Variants in ADAMTS6 observed in about 807,000 individuals in gnomAD.
The protein encoded by ADAMTS6 is A disintegrin and metalloproteinase with thrombospondin motifs 6.
ADAMTS6 carries 23 observed loss-of-function variants against 144.3 expected under a neutral mutation model. The ratio of observed to expected loss-of-function variants is 0.16; its 90% CI spans 0.11 to 0.23. The LOEUF (loss-of-function observed/expected upper bound fraction) is 0.23, where lower values mean the gene tolerates loss of function less well. Ranked by LOEUF, ADAMTS6 falls within the 10% of genes least tolerant of loss-of-function variation. The probability of loss-of-function intolerance (pLI) is 1.00; values close to 1 mark genes in which losing one functional copy is unlikely to be tolerated. For synonymous variants in ADAMTS6, 444 were observed against 457.5 expected (o/e 0.97, Z 0.38); for missense variants, 999 against 1,379.6 (o/e 0.72, Z 4.37).
At chr5:65,299,171 A>C (rs1718011805) in intron 10 of ADAMTS6, among the ~76,000 whole-genome samples, 1 of 152,188 alleles carries the variant, frequency 6.6e-6, no homozygotes, top group African/African-American at 2.4e-5. Flanking sequence ...TTACCATTTA[A>C]AGAATGTCTG....
chr5:65,362,748 T>C lies in ADAMTS6; in HGVS notation c.1074-28663A>G, dbSNP rs1749941380. Among the ~76,000 whole-genome samples, 4 of 152,220 alleles carry C rather than the reference T, an allele frequency of 2.6e-5. No homozygotes were observed. The South Asian group carries it at 8.3e-4, about 32-fold the overall frequency. On this transcript the variant is annotated intron_variant, in intron 7 of 24. Transcript: ENST00000381055. ...TTTTACTGACTTCAGAAGAGATTTC[T>C]GCCTTCAGTGGTGCGAGAGACAAAT... is the stretch of plus-strand genomic sequence containing the variant.
chr5:65,406,573 A>G (rs899769784), intron 7 of ADAMTS6, among the ~76,000 whole-genome samples: 1 of 152,102 alleles, frequency 6.6e-6, no homozygotes, highest in African/African-American at 2.4e-5. Context: ...GGATTTTTGC[A>G]TTGATGTTCA....
At chr5:65,196,522 CAAAAAAAAAAAAAAAAAAA>C (rs533444182) in intron 21 of ADAMTS6, among the ~76,000 whole-genome samples, 3 of 38,036 alleles carry the variant, frequency 7.9e-5, no homozygotes, top group African/African-American at 2.3e-4. Context: ...GACTCCGTCT[CAAAAAAAAAAAAAAAAAAA>C]AAAAAAAAAA....
At chr5:65,249,863 A>G (rs150402401) in intron 14 of ADAMTS6, among the ~76,000 whole-genome samples, 280 of 152,308 alleles carry the variant, frequency 1.8e-3, no homozygotes, top group African/African-American at 6.5e-3. Flanking sequence ...CCTGAGGGCA[A>G]GATGTGTAGT....
intron 7 of ADAMTS6, among the ~76,000 whole-genome samples, chr5:65,431,062 A>T (rs558464873): frequency 6.6e-6 from 1 of 152,170 alleles, no homozygotes; most frequent in African/African-American, 2.4e-5. Flanking sequence ...GCACTCAGTA[A>T]ATGTTTGTTG....
At chr5:65,399,130 G>A (rs537175516) in intron 7 of ADAMTS6, among the ~76,000 whole-genome samples, 5 of 151,976 alleles carry the variant, frequency 3.3e-5, no homozygotes, top group Non-Finnish European at 4.4e-5. Flanking sequence ...GGTGGTGGGC[G>A]CCTGTAATCC....
chr5:65,242,304 C>CA (rs1759259331), intron 14 of ADAMTS6, 98 bp from the exon 15 acceptor site: 1 of 731,900 alleles, frequency 1.4e-6, no homozygotes, highest in African/African-American at 1.8e-5. Flanking sequence ...TAACTCACTA[C>CA]CTTATTCTGT....
At chr5:65,297,635 C>T (rs1742970504) in intron 10 of ADAMTS6, among the ~76,000 whole-genome samples, 1 of 152,146 alleles carries the variant, frequency 6.6e-6, no homozygotes, top group Admixed American at 6.5e-5. Flanking sequence ...TCACGCATAG[C>T]TGTTAAAGCA....
rs948404979 is a variant in ADAMTS6 at position 65,177,694 on chromosome 5, C to T, written c.2911-4686G>A. The stretch of plus-strand genomic sequence containing the variant: ...GATCATAAAAGTTAAAGACTTAAAA[C>T]AAACTTTGGCAATTAAAACAGGATA... On this transcript the variant is annotated intron_variant, in intron 22 of 24. Coordinates refer to ENST00000381055, the MANE Select transcript of ADAMTS6 (RefSeq NM_197941.4). Among the ~76,000 whole-genome samples, 9 of 152,178 alleles carry T rather than the reference C, an allele frequency of 5.9e-5. No homozygotes were observed. The East Asian group carries it at 1.7e-3, about 29-fold the overall frequency.
chr5:65,276,380 G>A (rs1257523556), intron 11 of ADAMTS6, among the ~76,000 whole-genome samples: 10 of 152,294 alleles, frequency 6.6e-5, no homozygotes, highest in Non-Finnish European at 1.5e-4. Flanking sequence ...TGTAGAACTA[G>A]TCATGGAGAA....
chr5:65,353,888 G>T (rs1458272287), intron 7 of ADAMTS6, among the ~76,000 whole-genome samples: 2 of 151,862 alleles, frequency 1.3e-5, no homozygotes, highest in Non-Finnish European at 3.0e-5. Context: ...GCTTCTCTCT[G>T]GAAGACTATT....
intron 7 of ADAMTS6, among the ~76,000 whole-genome samples, chr5:65,373,418 A>C (rs1751178297): frequency 6.6e-6 from 1 of 151,228 alleles, no homozygotes; most frequent in African/African-American, 2.4e-5. Flanking sequence ...AAAAATGATA[A>C]AGGGGATATC....
At chr5:65,275,367 GAAAGAAAGAA>G in intron 11 of ADAMTS6, among the ~76,000 whole-genome samples, 1 of 92,126 alleles carries the variant, frequency 1.1e-5, no homozygotes, top group Admixed American at 1.1e-4. Flanking sequence ...AAGAAAGAAA[GAAAGAAAGAA>G]AGAAAGAAAG....
intron 14 of ADAMTS6, among the ~76,000 whole-genome samples, chr5:65,255,903 T>G (rs1760613591): frequency 6.6e-6 from 1 of 152,174 alleles, no homozygotes; most frequent in Non-Finnish European, 1.5e-5. Flanking sequence ...AGGGTCTCAC[T>G]GTCACCCAGG....
intron 15 of ADAMTS6, among the ~76,000 whole-genome samples, chr5:65,230,366 AAT>A (rs1370353577): frequency 9.9e-6 from 1 of 101,066 alleles, no homozygotes; most frequent in African/African-American, 4.4e-5. Flanking sequence ...TTATATATGA[AAT>A]ATATATAATA....
At chr5:65,199,234 T>C (rs1018430003) in intron 20 of ADAMTS6, among the ~76,000 whole-genome samples, 1 of 152,180 alleles carries the variant, frequency 6.6e-6, no homozygotes, top group Non-Finnish European at 1.5e-5. Flanking sequence ...TTCTCAACAC[T>C]ACAAAATACA....
At chr5:65,239,632 T>C (rs1459406892) in intron 15 of ADAMTS6, among the ~76,000 whole-genome samples, 1 of 152,134 alleles carries the variant, frequency 6.6e-6, no homozygotes, top group African/African-American at 2.4e-5. Context: ...CCACAGAATG[T>C]GACAAAACAT....
intron 10 of ADAMTS6, 68 bp downstream of exon 10, chr5:65,299,917 A>G (rs1046151699): frequency 1.0e-5 from 16 of 1,524,540 alleles, no homozygotes; most frequent in African/African-American, 2.8e-5. Context: ...TGAAAGCACT[A>G]CATGTTAGGC....
intron 7 of ADAMTS6, among the ~76,000 whole-genome samples, chr5:65,447,535 A>G (rs1232734421): frequency 1.3e-5 from 2 of 152,246 alleles, no homozygotes; most frequent in South Asian, 2.1e-4. Context: ...CAAGTTTTAT[A>G]GCAAGTTAAC....
Sources: gnomAD v4.1 joint callset for allele counts (sites outside exome capture counted in the v4.1 genomes callset) on GRCh38, gnomAD v4.1.1 for gene constraint, MANE v1.5 for transcripts, NCBI Gene and HGNC (gene_info 2026-07-23, HGNC 2026-07-21) for gene names.